DCPH1: variants seen among roughly 807,000 people sequenced by gnomAD.
DCPH1 encodes damage control phosphatase 1, also known as damage-control phosphatase 1.
At chr6:151,468,748 T>A in the DCPH1 span, 1 of 1,614,134 alleles carries the variant, frequency 6.2e-7, no homozygotes, top group South Asian at 1.1e-5. Context: ...CTGGGAAGAG[T>A]ATATTAAAAT....
chr6:151,469,288 C>T, the DCPH1 span: 1 of 518,236 alleles, frequency 1.9e-6, no homozygotes, highest in Non-Finnish European at 3.3e-6. Flanking sequence ...TGCCCCACTA[C>T]ACTGTTTTGG....
At chr6:151,463,946 C>T in the DCPH1 span, among the ~76,000 whole-genome samples, 3 of 152,146 alleles carry the variant, frequency 2.0e-5, no homozygotes. Context: ...AATTATCATT[C>T]TTCTAAAACT....
At chr6:151,456,414 T>G in the DCPH1 span, among the ~76,000 whole-genome samples, 1 of 152,214 alleles carries the variant, frequency 6.6e-6, no homozygotes, top group Non-Finnish European at 1.5e-5. Context: ...TTTTATATTG[T>G]CTTGTTTAAA....
the DCPH1 span, among the ~76,000 whole-genome samples, chr6:151,463,287 A>G: frequency 6.6e-6 from 1 of 152,214 alleles, no homozygotes; most frequent in East Asian, 1.9e-4. Flanking sequence ...AACTTCTTTC[A>G]GAGCCAGTTT....
chr6:151,465,481 T>A, the DCPH1 span, among the ~76,000 whole-genome samples: 1 of 152,102 alleles, frequency 6.6e-6, no homozygotes, highest in African/African-American at 2.4e-5. Context: ...AAGTCAGGTG[T>A]ATGTCTGCGG....
the DCPH1 span, chr6:151,458,427 GTTGATACTGATATA>G: frequency 6.2e-7 from 1 of 1,613,592 alleles, no homozygotes; most frequent in Non-Finnish European, 8.5e-7. Flanking sequence ...TGAGAAATTT[GTTGATACTGATATA>G]TGGAATCAGT....
the DCPH1 span, among the ~76,000 whole-genome samples, chr6:151,455,547 C>G: frequency 6.6e-6 from 1 of 151,194 alleles, no homozygotes; most frequent in Non-Finnish European, 1.5e-5. Flanking sequence ...ATAAACATCT[C>G]AATGCTTTAC....
At chr6:151,469,100 G>A in the DCPH1 span, 66 of 1,608,152 alleles carry the variant, frequency 4.1e-5, no homozygotes, top group African/African-American at 8.6e-4. Context: ...CAGTACGATG[G>A]TCCCCTTTGA....
the DCPH1 span, chr6:151,468,602 A>G: frequency 1.9e-6 from 3 of 1,614,140 alleles, no homozygotes; most frequent in Admixed American, 5.0e-5. Flanking sequence ...TTGTCCTCTG[A>G]ACTGGCTACT....
the DCPH1 span, among the ~76,000 whole-genome samples, chr6:151,459,124 G>A: frequency 6.6e-6 from 1 of 152,150 alleles, no homozygotes; most frequent in Admixed American, 6.5e-5. Flanking sequence ...GCACCGGAGT[G>A]AAACTCTGTC....
At chr6:151,464,555 G>C in the DCPH1 span, 1 of 1,612,062 alleles carries the variant, frequency 6.2e-7, no homozygotes, top group Admixed American at 1.7e-5. Flanking sequence ...TGCAACAATT[G>C]ATAAGAACTA....
the DCPH1 span, chr6:151,452,587 G>A: frequency 6.2e-7 from 1 of 1,609,734 alleles, no homozygotes. Context: ...AGGACGTGGG[G>A]TTAGTCTAGC....
the DCPH1 span, among the ~76,000 whole-genome samples, chr6:151,463,239 G>A: frequency 3.3e-5 from 5 of 152,062 alleles, no homozygotes; most frequent in East Asian, 1.9e-4. Context: ...TGATTTCAGC[G>A]GTGCTGCCAT....
chr6:151,457,194 C>T, the DCPH1 span, among the ~76,000 whole-genome samples: 1 of 152,194 alleles, frequency 6.6e-6, no homozygotes, highest in African/African-American at 2.4e-5. Context: ...GTCAAACGTC[C>T]GTGCCCTTAG....
the DCPH1 span, chr6:151,452,690 G>T: frequency 8.2e-7 from 1 of 1,216,590 alleles, no homozygotes. Context: ...GGCTGCGTTC[G>T]AGTCCCGCCG....
At chr6:151,458,418 G>T in the DCPH1 span, 1 of 1,613,624 alleles carries the variant, frequency 6.2e-7, no homozygotes, top group South Asian at 1.1e-5. Context: ...CCCCTTGGTT[G>T]AGAAATTTGT....
the DCPH1 span, among the ~76,000 whole-genome samples, chr6:151,455,823 A>T: frequency 7.9e-5 from 12 of 152,374 alleles, no homozygotes; most frequent in South Asian, 2.1e-4. Context: ...TCAGACTATC[A>T]CATGGGGAGA....
the DCPH1 span, among the ~76,000 whole-genome samples, chr6:151,453,127 A>G: frequency 6.6e-6 from 1 of 152,264 alleles, no homozygotes; most frequent in African/African-American, 2.4e-5. Flanking sequence ...GCAAAAGACG[A>G]GAACACTTTG....
the DCPH1 span, among the ~76,000 whole-genome samples, chr6:151,461,542 G>A: frequency 6.6e-6 from 1 of 152,068 alleles, no homozygotes; most frequent in Non-Finnish European, 1.5e-5. Flanking sequence ...ATGGTAATGG[G>A]CACCTGTAAT....
Sources: allele counts gnomAD v4.1 joint callset (sites outside exome capture counted in the v4.1 genomes callset), GRCh38; gene constraint gnomAD v4.1.1; transcripts MANE v1.5; gene names NCBI Gene and HGNC (gene_info 2026-07-23, HGNC 2026-07-21).